Variants in TSPAN14 observed in about 807,000 individuals in gnomAD.
TSPAN14 encodes tetraspanin 14, also known as tetraspanin-14.
A neutral mutation model predicts 36.6 loss-of-function variants in TSPAN14; 16 were observed. The observed-to-expected ratio is 0.44, with a 90% confidence interval of 0.30 to 0.66. The LOEUF (loss-of-function observed/expected upper bound fraction) is 0.66. Among genes scored for constraint, TSPAN14 ranks in the 30% least tolerant of loss-of-function variants. TSPAN14 has a pLI of 0.12. For synonymous variants in TSPAN14, 139 were observed against 143.8 expected, an observed-to-expected ratio of 0.97 and a Z score of 0.24; for missense variants, 231 against 355.1, an observed-to-expected ratio of 0.65 and a Z score of 2.81.
At chr10:80,481,111 A>C (rs957327179) in intron 1 of TSPAN14, among the ~76,000 whole-genome samples, 1 of 152,118 alleles carries the variant, frequency 6.6e-6, no homozygotes, top group African/African-American at 2.4e-5. Context: ...TTTCAAAAAA[A>C]AAGAGTGAAG....
At chr10:80,501,649 G>C (rs1589286274) in intron 2 of TSPAN14, among the ~76,000 whole-genome samples, 1 of 152,212 alleles carries the variant, frequency 6.6e-6, no homozygotes, top group East Asian at 1.9e-4. Context: ...GGGAATGCTG[G>C]ATGGGGCATC....
chr10:80,497,782 C>T (rs1360412362), intron 2 of TSPAN14, among the ~76,000 whole-genome samples: 1 of 152,214 alleles, frequency 6.6e-6, no homozygotes, highest in Non-Finnish European at 1.5e-5. Flanking sequence ...TGGAAGCTGC[C>T]CCTGGAGCCC....
intron 1 of TSPAN14, among the ~76,000 whole-genome samples, chr10:80,464,094 G>A (rs915744746): frequency 1.5e-4 from 23 of 152,192 alleles, no homozygotes; most frequent in Non-Finnish European, 2.5e-4. Flanking sequence ...GCAACCTCAC[G>A]ACTTTGCAGG....
At chr10:80,499,303 C>T (rs1476620233) in intron 2 of TSPAN14, among the ~76,000 whole-genome samples, 2 of 152,146 alleles carry the variant, frequency 1.3e-5, no homozygotes, top group Admixed American at 6.5e-5. Context: ...CTGGACCAGC[C>T]CAGAGTGCCC....
intron 1 of TSPAN14, among the ~76,000 whole-genome samples, chr10:80,464,343 G>C (rs1048947629): frequency 2.6e-5 from 4 of 152,174 alleles, no homozygotes; most frequent in African/African-American, 9.7e-5. Context: ...ATAATAGATG[G>C]GTTTTGTGTT....
intron 2 of TSPAN14, among the ~76,000 whole-genome samples, chr10:80,502,925 GA>G (rs1424538927): frequency 6.6e-6 from 1 of 152,092 alleles, no homozygotes; most frequent in Non-Finnish European, 1.5e-5. Context: ...GAAGGAGGAG[GA>G]GGAGGAAGAG....
At chr10:80,510,454 A>G (rs943298999) in intron 5 of TSPAN14, among the ~76,000 whole-genome samples, 1 of 152,156 alleles carries the variant, frequency 6.6e-6, no homozygotes, top group African/African-American at 2.4e-5. Flanking sequence ...TTTTCTGTTC[A>G]GTGCCACCGT....
At chr10:80,473,249 C>T (rs1438165643) in intron 1 of TSPAN14, among the ~76,000 whole-genome samples, 1 of 152,208 alleles carries the variant, frequency 6.6e-6, no homozygotes, top group Admixed American at 6.5e-5. Context: ...TTCCTGATGA[C>T]AGCACTGAGG....
intron 6 of TSPAN14, among the ~76,000 whole-genome samples, chr10:80,513,098 A>G (rs1840747145): frequency 6.6e-6 from 1 of 152,124 alleles, no homozygotes; most frequent in African/African-American, 2.4e-5. Context: ...GGGTTTCACC[A>G]TGTTGCCCCG....
exon 9 of TSPAN14, chr10:80,521,889 A>C (rs1412320094): frequency 3.0e-5 from 4 of 135,222 alleles, no homozygotes; most frequent in Admixed American, 8.1e-5. Context: ...ACACCACTGC[A>C]CTCCAGCCTG....
At chr10:80,458,191 T>G (rs1027378727) in intron 1 of TSPAN14, among the ~76,000 whole-genome samples, 9 of 152,170 alleles carry the variant, frequency 5.9e-5, no homozygotes, top group Non-Finnish European at 1.0e-4. Context: ...TTTGTGGGAC[T>G]CGGGGATTGA....
chr10:80,456,705 A>G (rs895612609), intron 1 of TSPAN14, among the ~76,000 whole-genome samples: 7 of 152,230 alleles, frequency 4.6e-5, no homozygotes, highest in Admixed American at 4.6e-4. Flanking sequence ...AGTGATACTA[A>G]TGTGAGTTTA....
chr10:80,489,253 C>G, exon 2 of TSPAN14: 4 of 1,584,990 alleles, frequency 2.5e-6, no homozygotes, highest in Non-Finnish European at 3.4e-6. Flanking sequence ...TATAGATACT[C>G]TAACGCCAAG....
intron 1 of TSPAN14, among the ~76,000 whole-genome samples, chr10:80,479,531 A>G (rs1847125740): frequency 2.0e-5 from 3 of 152,092 alleles, no homozygotes; most frequent in Non-Finnish European, 4.4e-5. Context: ...TTTTCCCAGC[A>G]CCATTTATTA....
intron 4 of TSPAN14, 42 bp downstream of exon 4, chr10:80,507,416 G>A (rs777567867): frequency 1.2e-5 from 20 of 1,613,592 alleles, no homozygotes; most frequent in East Asian, 2.2e-5. Flanking sequence ...GATGCAATGG[G>A]GTACAGGCTC....
chr10:80,473,567 C>T (rs1846678580), intron 1 of TSPAN14, among the ~76,000 whole-genome samples: 1 of 152,070 alleles, frequency 6.6e-6, no homozygotes, highest in South Asian at 2.1e-4. Context: ...CAGTGTTTGT[C>T]ACCCTGTGAT....
At chr10:80,482,609 G>A (rs1015029648) in intron 1 of TSPAN14, among the ~76,000 whole-genome samples, 3 of 150,998 alleles carry the variant, frequency 2.0e-5, no homozygotes, top group African/African-American at 7.4e-5. Context: ...CATTTTAGTT[G>A]TGCATGTGAG....
intron 1 of TSPAN14, among the ~76,000 whole-genome samples, chr10:80,484,793 T>C (rs1428018793): frequency 6.6e-6 from 1 of 152,198 alleles, no homozygotes; most frequent in Non-Finnish European, 1.5e-5. Context: ...TTTGAATTGT[T>C]TTTTCCTGTT....
At chr10:80,517,551 C>CAA in intron 8 of TSPAN14, among the ~76,000 whole-genome samples, 1 of 152,344 alleles carries the variant, frequency 6.6e-6, no homozygotes, top group East Asian at 1.9e-4. Context: ...GAGAACCAGT[C>CAA]AGCGTGACCC....
Sources: gnomAD v4.1 joint callset for allele counts (sites outside exome capture counted in the v4.1 genomes callset) on GRCh38, gnomAD v4.1.1 for gene constraint, MANE v1.5 for transcripts, NCBI Gene and HGNC (gene_info 2026-07-23, HGNC 2026-07-21) for gene names.